Variants in AP3B1 observed in about 807,000 individuals in gnomAD.
The protein encoded by AP3B1 is AP-3 complex subunit beta-1.
A neutral mutation model predicts 132.5 loss-of-function variants in AP3B1; 61 were observed. That is an observed-to-expected ratio of 0.46 (90% CI 0.37 to 0.57). The LOEUF is 0.57. Ranked by LOEUF, AP3B1 falls within the 20% of genes least tolerant of loss-of-function variation. The pLI is 0.00. For synonymous variants in AP3B1, 388 were observed against 438.3 expected, an observed-to-expected ratio of 0.89 and a Z score of 1.43; for missense variants, 1,120 against 1,289.4, an observed-to-expected ratio of 0.87 and a Z score of 2.01.
chr5:78,279,521 G>T (rs1009742405), intron 1 of AP3B1, among the ~76,000 whole-genome samples: 1 of 151,954 alleles, frequency 6.6e-6, no homozygotes, highest in Non-Finnish European at 1.5e-5. Flanking sequence ...GGCAAAGCAA[G>T]GAATTAAATT....
intron 9 of AP3B1, 28 bp downstream of exon 9, chr5:78,177,310 GA>G (rs781439510): frequency 1.0e-5 from 15 of 1,489,264 alleles, no homozygotes; most frequent in Non-Finnish European, 9.3e-7. Context: ...GAATACAAAA[GA>G]AAAAATATAT....
Position 78,175,847 on chromosome 5 carries a change from C to A in AP3B1, c.1041-9G>T, listed in dbSNP as rs1474245373. On this transcript the variant is annotated splice_polypyrimidine_tract_variant and intron_variant, in intron 9 of 26. Transcript: ENST00000255194. ...CAATATACTGCACCTCCCTAGAAATCAAAAGATAATTTTTACTGGGTATAT... is the reference window on the plus strand; with the variant it reads ...CAATATACTGCACCTCCCTAGAAATAAAAAGATAATTTTTACTGGGTATAT... 6.2e-7 allele frequency: 1 copy of A among 1,604,072 alleles called. No individual in the cohort carries two copies. Among genetic ancestry groups the A allele is most frequent in the Non-Finnish European group, 8.5e-7 (1 of 1,172,926 alleles).
chr5:78,015,783 T>G (rs1032110261), intron 25 of AP3B1: 2 of 470,000 alleles, frequency 4.3e-6, no homozygotes, highest in African/African-American at 3.9e-5. Flanking sequence ...CACTTAAATC[T>G]AATTTTAAGT....
chr5:78,042,972 GTT>G (rs1024975487), intron 22 of AP3B1: 2 of 185,922 alleles, frequency 1.1e-5, no homozygotes, highest in African/African-American at 4.7e-5. Flanking sequence ...TGTCATCAGA[GTT>G]TCTGATCCAA....
At chr5:78,247,262 GATA>G (rs1441081043) in intron 2 of AP3B1, among the ~76,000 whole-genome samples, 1 of 148,388 alleles carries the variant, frequency 6.7e-6, no homozygotes, top group African/African-American at 2.5e-5. Flanking sequence ...TGCTAATATA[GATA>G]ATAATTATAA....
chr5:78,097,675 C>T (rs1315272723), intron 21 of AP3B1, among the ~76,000 whole-genome samples: 4 of 150,432 alleles, frequency 2.7e-5, no homozygotes, highest in Admixed American at 6.6e-5. Flanking sequence ...GCCCCCCGCC[C>T]GGCCAGCCGC....
At chr5:78,030,382 T>G (rs1446239881) in intron 24 of AP3B1, among the ~76,000 whole-genome samples, 1 of 152,224 alleles carries the variant, frequency 6.6e-6, no homozygotes, top group East Asian at 1.9e-4. Context: ...GGTGGTAAAC[T>G]GATTGAATCC....
At position 78,194,847 on chromosome 5, in the gene AP3B1, G is replaced by A. The variant is rs187340548; in HGVS notation, c.787-13185C>T. ...ACAGAAGTAAAGATGCTTTCCAATG[G>A]AAAACTATTAAATGAAAATGACTCA... On this transcript the variant is annotated intron_variant, in intron 7 of 26. Transcript: ENST00000255194. Among the ~76,000 whole-genome samples, 366 of 152,086 alleles carry A rather than the reference G, an allele frequency of 2.4e-3. 1 individual carries two copies. The highest frequency in any genetic ancestry group is 3.5e-3 in the Non-Finnish European group (241 of 67,966).
At chr5:78,071,858 T>TA (rs1168704822) in intron 22 of AP3B1, among the ~76,000 whole-genome samples, 1 of 152,220 alleles carries the variant, frequency 6.6e-6, no homozygotes, top group African/African-American at 2.4e-5. Flanking sequence ...TCTCTCCACT[T>TA]ACTTTCTTTA....
chr5:78,269,479 T>C (rs534347481), intron 1 of AP3B1, among the ~76,000 whole-genome samples: 1 of 152,290 alleles, frequency 6.6e-6, no homozygotes, highest in African/African-American at 2.4e-5. Flanking sequence ...AATGAACTAG[T>C]AACTATAACT....
At chr5:78,263,932 T>C (rs1748209138) in intron 2 of AP3B1, among the ~76,000 whole-genome samples, 1 of 152,214 alleles carries the variant, frequency 6.6e-6, no homozygotes, top group African/African-American at 2.4e-5. Context: ...TACGTTTAGA[T>C]ACACAAATAC....
intron 7 of AP3B1, among the ~76,000 whole-genome samples, chr5:78,200,655 AAAC>A (rs1415175220): frequency 2.6e-5 from 4 of 152,302 alleles, no homozygotes; most frequent in East Asian, 3.9e-4. Context: ...GCCTCATTAA[AAAC>A]AACAACAAAA....
At chr5:78,134,255 A>G (rs936792386) in intron 15 of AP3B1, among the ~76,000 whole-genome samples, 3 of 151,936 alleles carry the variant, frequency 2.0e-5, no homozygotes, top group African/African-American at 2.4e-5. Flanking sequence ...CTAATAGATT[A>G]TAAGTCAGTA....
chr5:78,017,955 A>G (rs1428110443), intron 25 of AP3B1, among the ~76,000 whole-genome samples: 1 of 152,090 alleles, frequency 6.6e-6, no homozygotes. Flanking sequence ...ATTCAGAAAA[A>G]TTTCTAAGTT....
At chr5:78,225,685 T>G in intron 5 of AP3B1, 77 bp from the exon 6 acceptor site, 1 of 904,534 alleles carries the variant, frequency 1.1e-6, no homozygotes, top group Non-Finnish European at 1.8e-6. Flanking sequence ...TTCAAGGATG[T>G]TGAGAAATTT....
chr5:78,288,222 T>C (rs1477465837), intron 1 of AP3B1, among the ~76,000 whole-genome samples: 1 of 152,206 alleles, frequency 6.6e-6, no homozygotes, highest in Non-Finnish European at 1.5e-5. Flanking sequence ...AAAAGTTGAA[T>C]TACACAATTT....
At chr5:78,260,093 C>A (rs1280970666) in intron 2 of AP3B1, among the ~76,000 whole-genome samples, 5 of 151,958 alleles carry the variant, frequency 3.3e-5, no homozygotes, top group Admixed American at 6.6e-5. Context: ...TAAAGCCAGA[C>A]AAAATCAAGA....
At chr5:78,210,764 A>G (rs1449372941) in intron 7 of AP3B1, among the ~76,000 whole-genome samples, 1 of 152,136 alleles carries the variant, frequency 6.6e-6, no homozygotes, top group Non-Finnish European at 1.5e-5. Flanking sequence ...TCAGTTTACA[A>G]TTGATGCCAC....
At chr5:78,132,724 G>C (rs1249956808) in intron 15 of AP3B1, among the ~76,000 whole-genome samples, 2 of 152,168 alleles carry the variant, frequency 1.3e-5, no homozygotes, top group Non-Finnish European at 2.9e-5. Flanking sequence ...TTTTGTAGCA[G>C]ATTGTTGTGT....
Sources: allele counts gnomAD v4.1 joint callset (sites outside exome capture counted in the v4.1 genomes callset), GRCh38; gene constraint gnomAD v4.1.1; transcripts MANE v1.5; gene names NCBI Gene and HGNC (gene_info 2026-07-23, HGNC 2026-07-21).